The following ARAP2 variants were observed in gnomAD, a reference collection of about 807,000 sequenced individuals.
ARAP2 encodes the protein arf-GAP with Rho-GAP domain, ANK repeat and PH domain-containing protein 2.
A neutral mutation model predicts 194.5 loss-of-function variants in ARAP2; 148 were observed. That is an observed-to-expected ratio of 0.76 (90% CI 0.67 to 0.87). The LOEUF (loss-of-function observed/expected upper bound fraction) is 0.87. ARAP2 is among the 40% of genes least tolerant of loss of function. The pLI is 0.00. For missense variants in ARAP2, 2,128 were observed against 1,989.7 expected (o/e 1.07, Z -1.32); for synonymous variants, 695 against 683.5 (o/e 1.02, Z -0.26).
rs778501528 is a variant in ARAP2, at chr4:36,091,888, T to A, written c.4418A>T (p.Asp1473Val). The change falls in exon 28 of 33, where the codon GAT becomes GTT. Residue 1473 changes from aspartate to valine, a missense_variant. Asp to Val is a radical substitution (Grantham distance 152, BLOSUM62 -3). Transcript: ENST00000303965. ...LRDGFLFLYK[D>V]VKSSKHDKMF... is the part of the protein sequence containing the mutation. ...CATGTTCAAATACTATACCTTCACA[T>A]CCTTGTAAAGAAAGAGAAACCCATC... The A allele has an allele frequency of 2.5e-6, 4 of 1,602,106 alleles. No individual in the cohort carries two copies. The highest frequency in any genetic ancestry group is 1.7e-5 in the Admixed American group (1 of 59,600).
At chr4:36,191,328 C>T (rs1469858307) in intron 7 of ARAP2, among the ~76,000 whole-genome samples, 1 of 151,974 alleles carries the variant, frequency 6.6e-6, no homozygotes, top group African/African-American at 2.4e-5. Context: ...CTAATAGATC[C>T]TGTTAAAGAG....
chr4:36,134,510 T>C (rs543741542), intron 19 of ARAP2, among the ~76,000 whole-genome samples: 3 of 151,758 alleles, frequency 2.0e-5, no homozygotes, highest in African/African-American at 7.2e-5. Flanking sequence ...CAGCCCCTCC[T>C]TACAGAATTC....
At chr4:36,028,143 T>C (rs1718246180) in intron 5 of ARAP2, among the ~76,000 whole-genome samples, 1 of 152,234 alleles carries the variant, frequency 6.6e-6, no homozygotes, top group Non-Finnish European at 1.5e-5. Context: ...TTTATAATTT[T>C]ACATCTATGT....
At chr4:36,014,696 G>C (rs967403331) in intron 8 of ARAP2, among the ~76,000 whole-genome samples, 1 of 152,118 alleles carries the variant, frequency 6.6e-6, no homozygotes, top group Non-Finnish European at 1.5e-5. Flanking sequence ...CTGAATGTTT[G>C]TGTTTCCCCA....
intron 2 of ARAP2, among the ~76,000 whole-genome samples, chr4:36,057,495 T>C (rs1393388589): frequency 6.6e-6 from 1 of 152,118 alleles, no homozygotes; most frequent in African/African-American, 2.4e-5. Flanking sequence ...ATTATATATA[T>C]GTTTGACATT....
chr4:36,063,279 C>A (rs898366725), downstream of ARAP2, among the ~76,000 whole-genome samples: 1 of 151,674 alleles, frequency 6.6e-6, no homozygotes, highest in Non-Finnish European at 1.5e-5. Context: ...GAACACAGGG[C>A]TGGGAACATC....
rs761539024 is a variant in ARAP2 at position 36,228,645 on chromosome 4, G to A, written c.842C>T (p.Ser281Phe). 1.2e-6 allele frequency: 2 copies of A among 1,614,044 alleles called. No homozygotes were observed. The highest frequency in any genetic ancestry group is 1.7e-6 in the Non-Finnish European group (2 of 1,179,958). The stretch of plus-strand genomic sequence containing the variant: ...TACAGGTCGATGTCTTAGCAGAAAA[G>A]ATCGAGATGGTCTTGAAACCAACTT... The part of the protein sequence containing the change: ...RSKLVSRPSR[S>F]FLLRHRPVPE... The change falls in exon 2 of 33, where the codon TCT (serine) becomes TTT (phenylalanine). Residue 281 changes from serine to phenylalanine, a missense_variant. By Grantham distance (155) the Ser-to-Phe change is radical. Coordinates refer to ENST00000303965, the MANE Select transcript of ARAP2 (RefSeq NM_015230.4).
At chr4:36,033,827 C>G (rs898654936) in intron 5 of ARAP2, among the ~76,000 whole-genome samples, 2 of 151,908 alleles carry the variant, frequency 1.3e-5, no homozygotes, top group African/African-American at 4.8e-5. Context: ...TTTTTGTATA[C>G]AGTGTAAGGA....
In ARAP2 at chr4:36,158,704, A is replaced by G. The variant is rs756838556; in HGVS notation, c.2752+26T>C. ...AATGGAATAAAGTTTTTATCTGATA[A>G]TATCTAAAAAGAAGAGAAAAAATAC... is the stretch of plus-strand genomic sequence containing the variant. On this transcript the variant is annotated intron_variant, in intron 15 of 32. Coordinates refer to ENST00000303965, the MANE Select transcript of ARAP2 (RefSeq NM_015230.4). 2.6e-6 allele frequency: 4 copies of G among 1,554,550 alleles called. No individual in the cohort carries two copies. In the Admixed American group the frequency reaches 5.8e-5, roughly 22 times the overall value.
intron 27 of ARAP2, among the ~76,000 whole-genome samples, chr4:36,103,444 A>C (rs1474738584): frequency 6.6e-6 from 1 of 151,364 alleles, no homozygotes; most frequent in African/African-American, 2.4e-5. Context: ...GATATGTTGA[A>C]GTTCAGTATA....
rs1226125402 is a variant in ARAP2 at position 36,072,581 on chromosome 4, G to T, written c.4743+1108C>A. Among the ~76,000 whole-genome samples, 3 of 151,238 alleles carry T rather than the reference G, an allele frequency of 2.0e-5. No homozygotes were observed. The East Asian group carries it at 5.8e-4, about 29-fold the overall frequency. On this transcript the variant is annotated intron_variant, in intron 32 of 32. Coordinates refer to ENST00000303965, the MANE Select transcript of ARAP2 (RefSeq NM_015230.4). Reference sequence around the variant, plus strand: ...TGTTCAGCCTGTGTTCCCTGTCCTGGGTTCCTGGGAAATGTAACTCTTAGA... The same window carrying T: ...TGTTCAGCCTGTGTTCCCTGTCCTGTGTTCCTGGGAAATGTAACTCTTAGA...
chr4:36,110,212 T>C (rs530822653), intron 26 of ARAP2, among the ~76,000 whole-genome samples: 1 of 151,960 alleles, frequency 6.6e-6, no homozygotes, highest in South Asian at 2.1e-4. Flanking sequence ...CCCATGATGG[T>C]TTTCTCACAT....
intron 1 of ARAP2, among the ~76,000 whole-genome samples, chr4:36,242,975 C>G (rs1753814036): frequency 6.6e-6 from 1 of 152,026 alleles, no homozygotes; most frequent in East Asian, 1.9e-4. Context: ...TGCACTTAAC[C>G]CTAGCCTAGT....
chr4:36,229,123 T>A lies in ARAP2; in HGVS notation c.364A>T (p.Thr122Ser). The A allele has an allele frequency of 6.2e-7, 1 of 1,614,058 alleles. No individual in the cohort carries two copies. Residue 122 changes from threonine to serine, a missense_variant, in exon 2 of 33, where the codon ACT becomes TCT. Thr to Ser is a moderately conservative substitution (Grantham distance 58, BLOSUM62 1). Transcript: ENST00000303965. ...CTGTCTTCAAGATTTTTTCTAACAGTCTCCAACTGCGGTGGGCTAGATGTC... is the reference window on the plus strand; with the variant it reads ...CTGTCTTCAAGATTTTTTCTAACAGACTCCAACTGCGGTGGGCTAGATGTC... ...VQTSSPPQLE[T>S]VRKNLEDSDA...
intron 5 of ARAP2, among the ~76,000 whole-genome samples, chr4:36,021,818 A>G (rs995145440): frequency 6.6e-6 from 1 of 152,218 alleles, no homozygotes; most frequent in Non-Finnish European, 1.5e-5. Context: ...CAATGAGTTT[A>G]TGAGTTGATG....
At chr4:36,227,566 G>A (rs1750611265) in intron 2 of ARAP2, among the ~76,000 whole-genome samples, 1 of 152,116 alleles carries the variant, frequency 6.6e-6, no homozygotes, top group Non-Finnish European at 1.5e-5. Context: ...ATTACCAAAG[G>A]TACCTAAGGC....
At chr4:36,032,165 T>C (rs1470735157) in intron 5 of ARAP2, among the ~76,000 whole-genome samples, 1 of 152,214 alleles carries the variant, frequency 6.6e-6, no homozygotes, top group Non-Finnish European at 1.5e-5. Context: ...TACTCACTAA[T>C]AGGAAACATC....
intron 9 of ARAP2, among the ~76,000 whole-genome samples, chr4:36,177,349 C>T (rs919349752): frequency 6.6e-6 from 1 of 151,932 alleles, no homozygotes; most frequent in African/African-American, 2.4e-5. Flanking sequence ...TACATATATA[C>T]CTTACATACA....
intron 1 of ARAP2, among the ~76,000 whole-genome samples, chr4:36,235,945 G>A (rs910026604): frequency 1.3e-5 from 2 of 152,266 alleles, no homozygotes; most frequent in Admixed American, 1.3e-4. Flanking sequence ...GGGAGGCAGA[G>A]GTGGGTGGAT....
Sources: allele counts gnomAD v4.1 joint callset (sites outside exome capture counted in the v4.1 genomes callset), GRCh38; gene constraint gnomAD v4.1.1; transcripts MANE v1.5; gene names NCBI Gene and HGNC (gene_info 2026-07-23, HGNC 2026-07-21).